Variants in DNAJC9 observed in about 807,000 individuals in gnomAD.
The protein encoded by DNAJC9 is dnaJ homolog subfamily C member 9.
DNAJC9 carries 18 observed loss-of-function variants against 32.4 expected under a neutral mutation model. The ratio of observed to expected loss-of-function variants is 0.56; its 90% confidence interval spans 0.38 to 0.82. The LOEUF is 0.82. Among genes scored for constraint, DNAJC9 ranks in the 40% least tolerant of loss-of-function variants. DNAJC9 has a pLI of 0.00. For synonymous variants in DNAJC9, 113 were observed against 122.1 expected, an observed-to-expected ratio of 0.93 and a Z score of 0.49; for missense variants, 310 against 321.8, an observed-to-expected ratio of 0.96 and a Z score of 0.28.
At chr10:73,240,605 G>A (rs1265241485), downstream of DNAJC9, among the ~76,000 whole-genome samples, 5 of 151,918 alleles carry the variant, frequency 3.3e-5, no homozygotes, top group East Asian at 5.8e-4. Context: ...CCAGCTACTC[G>A]GGGGACTGAG....
At chr10:73,239,435 C>A (rs992865333), downstream of DNAJC9, 70 of 1,386,204 alleles carry the variant, frequency 5.0e-5, no homozygotes, top group Admixed American at 1.5e-4. Flanking sequence ...TGTGTTAAGA[C>A]CCAGCCTTTG....
downstream of DNAJC9, chr10:73,235,585 A>G (rs1302307663): frequency 1.8e-6 from 1 of 549,144 alleles, no homozygotes; most frequent in Admixed American, 3.8e-5. Flanking sequence ...AGAATATTAA[A>G]TCCCAGTACA....
downstream of DNAJC9, chr10:73,235,098 G>C (rs2043792963): frequency 1.4e-6 from 2 of 1,459,710 alleles, no homozygotes; most frequent in African/African-American, 1.4e-5. Context: ...TGTTTGGCCT[G>C]CACTTACCAT....
intron 2 of DNAJC9, chr10:73,232,858 T>G (rs968481336): frequency 2.8e-5 from 24 of 843,530 alleles, no homozygotes; most frequent in Admixed American, 6.4e-5. Context: ...GTTTCTAGTC[T>G]AAGGCTTTTT....
chr10:73,245,802 A>G, intron 3 of DNAJC9, 120 bp downstream of exon 3: 1 of 1,266,908 alleles, frequency 7.9e-7, no homozygotes, highest in Admixed American at 2.6e-5. Flanking sequence ...TCGAAACTAT[A>G]GACCAAGTTA....
At chr10:73,236,591 T>C (rs2043827528), downstream of DNAJC9, among the ~76,000 whole-genome samples, 1 of 151,676 alleles carries the variant, frequency 6.6e-6, no homozygotes, top group Non-Finnish European at 1.5e-5. Flanking sequence ...TTTTTGTAAT[T>C]TTACTAGAGA....
chr10:73,236,328 TC>T (rs1172120189), downstream of DNAJC9, among the ~76,000 whole-genome samples: 4 of 151,998 alleles, frequency 2.6e-5, no homozygotes, highest in African/African-American at 9.7e-5. Context: ...TAGGGAAGAA[TC>T]TTTTTGTCTC....
chr10:73,235,870 C>T (rs1205214644), downstream of DNAJC9, among the ~76,000 whole-genome samples: 2 of 152,188 alleles, frequency 1.3e-5, no homozygotes, highest in African/African-American at 4.8e-5. Context: ...TAAATGCTGA[C>T]ACTGCCTACC....
In DNAJC9 at chr10:73,246,767, T is replaced by G. The variant is rs2044016126; in HGVS notation, c.242A>C (p.Gln81Pro). 6.2e-7 allele frequency: 1 copy of G among 1,614,164 alleles called. No individual in the cohort carries two copies. Among genetic ancestry groups the G allele is most frequent in the Non-Finnish European group, 8.5e-7 (1 of 1,179,998 alleles). ...AGGAGAGTCCTCGTCCACTGTTCCC[T>G]GCTCATCGTACACTGCTCTCTGTTC... ...DREQRAVYDE[Q>P]GTVDEDSPVL... Residue 81 changes from glutamine (Q) to proline (P), a missense_variant, in exon 2 of 5, where the codon CAG (glutamine) becomes CCG (proline). Gln to Pro is a moderately conservative substitution (Grantham distance 76). Coordinates refer to ENST00000372950, the MANE Select transcript of DNAJC9 (RefSeq NM_015190.5).
At position 73,242,146 on chromosome 10, in the gene DNAJC9, A is replaced by T. The variant is rs1361202584; in HGVS notation, c.*1254T>A. On this transcript the variant is annotated 3_prime_UTR_variant, in exon 5 of 5. Transcript: ENST00000372950. Reference sequence around the variant, plus strand: ...TGCTTCAAACAACCTGCATTAAATTATATTTTTAATAAAATTAAAATCTAT... The same window carrying T: ...TGCTTCAAACAACCTGCATTAAATTTTATTTTTAATAAAATTAAAATCTAT... The T allele has an allele frequency of 2.0e-5, 3 of 152,326 alleles. No homozygotes were observed. Among genetic ancestry groups the T allele is most frequent in the East Asian group, 3.8e-4 (2 of 5,196 alleles). The allele number at this position is 152,326 out of a possible 1,614,324, so 9.4% of individuals were successfully genotyped here. A position where few individuals can be genotyped will look rare whatever the true frequency, so the allele number is the denominator to read the frequency against.
intron 2 of DNAJC9, chr10:73,233,153 G>A: frequency 6.5e-7 from 1 of 1,550,300 alleles, no homozygotes; most frequent in Non-Finnish European, 8.7e-7. Context: ...AATCCTCAGA[G>A]GAGCCCGAGT....
chr10:73,246,129 C>T lies in DNAJC9; in HGVS notation c.369G>A (p.Ser123=), dbSNP rs1305725037. ...IQAFEKTYKG[S]EEELADIKQA... Reference sequence around the variant, plus strand: ...GCTTAATATCAGCCAGCTCTTCTTCCGAACCTTTGTATGTCTTTTCAAAAG... The same window carrying T: ...GCTTAATATCAGCCAGCTCTTCTTCTGAACCTTTGTATGTCTTTTCAAAAG... Residue 123 remains serine (S), a synonymous_variant, in exon 3 of 5, where the codon TCG becomes TCA. Coordinates refer to ENST00000372950, the MANE Select transcript of DNAJC9 (RefSeq NM_015190.5). The T allele has an allele frequency of 6.2e-7, 1 of 1,613,700 alleles. No homozygotes were observed. Among genetic ancestry groups the T allele is most frequent in the African/African-American group, 1.3e-5 (1 of 74,894 alleles).
rs909650605 is a variant in DNAJC9 at position 73,245,977 on chromosome 10, G to T, written c.521C>A (p.Ser174Tyr). The T allele has an allele frequency of 4.3e-6, 7 of 1,613,352 alleles. No homozygotes were observed. The highest frequency in any genetic ancestry group is 5.9e-6 in the Non-Finnish European group (7 of 1,179,758). The part of the protein sequence containing the change: ...QQAIDAGEVP[S>Y]YNAFVKESKQ... ...CGATTCTTTGACAAAGGCATTATAG[G>T]ATGGGACCTCTCCGGCGTCAATAGC... The change falls in exon 3 of 5, where the codon TCC (serine) becomes TAC (tyrosine). Residue 174 changes from serine (S) to tyrosine (Y), a missense_variant. By Grantham distance (144) the Ser-to-Tyr change is moderately radical. Transcript: ENST00000372950.
chr10:73,239,187 T>C (rs1346690475), downstream of DNAJC9: 3 of 719,198 alleles, frequency 4.2e-6, no homozygotes, highest in Non-Finnish European at 6.9e-6. Context: ...AGCTGACTTT[T>C]CCCTCAAGTT....
chr10:73,240,670 C>T (rs1335145614), downstream of DNAJC9, among the ~76,000 whole-genome samples: 1 of 151,494 alleles, frequency 6.6e-6, no homozygotes, highest in African/African-American at 2.4e-5. Context: ...CGAGATCATG[C>T]CACTGCACCT....
chr10:73,241,860 C>G (rs1468095442), downstream of DNAJC9: 1 of 152,182 alleles, frequency 6.6e-6, no homozygotes, highest in Admixed American at 6.5e-5. Context: ...GCAATTAATT[C>G]AGCATAAACA....
At position 73,242,272 on chromosome 10, in the gene DNAJC9, A is replaced by G. The variant is rs1157432265; in HGVS notation, c.*1128T>C. The G allele has an allele frequency of 6.6e-6, 1 of 152,228 alleles. No individual in the cohort carries two copies. The highest frequency in any genetic ancestry group is 1.5e-5 in the Non-Finnish European group (1 of 68,040). 9.4% of individuals were successfully genotyped at this position (152,228 alleles called of 1,614,324 possible). A position where few individuals can be genotyped will look rare whatever the true frequency, so the allele number is the denominator to read the frequency against. ...GGTATATTTAATAGTCTACAAATCA[A>G]AGATTTAAACAGTCCCTTAAAAATT... On this transcript the variant is annotated 3_prime_UTR_variant, in exon 5 of 5. Transcript: ENST00000372950.
At chr10:73,237,236 G>A (rs1320641577), downstream of DNAJC9, among the ~76,000 whole-genome samples, 1 of 152,148 alleles carries the variant, frequency 6.6e-6, no homozygotes, top group Non-Finnish European at 1.5e-5. Context: ...GACCCCACGA[G>A]GCTGACTTAG....
downstream of DNAJC9, chr10:73,234,069 G>C (rs1297131421): frequency 6.6e-6 from 1 of 152,158 alleles, no homozygotes; most frequent in Non-Finnish European, 1.5e-5. Context: ...AATTCTTTTA[G>C]CTGTTGATTC....
Sources: gnomAD v4.1 joint callset for allele counts (sites outside exome capture counted in the v4.1 genomes callset) on GRCh38, gnomAD v4.1.1 for gene constraint, MANE v1.5 for transcripts, NCBI Gene and HGNC (gene_info 2026-07-23, HGNC 2026-07-21) for gene names.